The following LIM2 variants were observed in gnomAD, a reference collection of about 807,000 sequenced individuals.
LIM2 encodes lens intrinsic membrane protein 2.
Under a neutral mutation model 19.0 loss-of-function variants are expected in LIM2, and 14 were observed. That is an observed-to-expected ratio of 0.74 (90% CI 0.49 to 1.15). The LOEUF (loss-of-function observed/expected upper bound fraction) is 1.15. Ranked by LOEUF, LIM2 falls within the 50% of genes most tolerant of loss-of-function variation. The probability of loss-of-function intolerance (pLI) is 0.00; values close to 1 mark genes in which losing one functional copy is unlikely to be tolerated. For missense variants in LIM2, 230 were observed against 243.5 expected (o/e 0.94, Z 0.37); for synonymous variants, 78 against 89.6 (o/e 0.87, Z 0.73).
Position 51,382,569 on chromosome 19 carries a change from T to C in LIM2, c.176-2A>G, listed in dbSNP as rs1424981369. ...AGGCCCGGGTGGCATTCCAGTATGC[T>C]GTGGGAGCACCCCATGGTCATTCCC... On this transcript the variant is annotated splice_acceptor_variant, in intron 2 of 4. Transcript: ENST00000596399. LOFTEE classifies it high-confidence loss of function. 6.2e-7 allele frequency: 1 copy of C among 1,613,280 alleles called. No homozygotes were observed. Among genetic ancestry groups the C allele is most frequent in the Non-Finnish European group, 8.5e-7 (1 of 1,179,854 alleles).
chr19:51,387,226 C>T (rs372921387), intron 2 of LIM2, 43 bp downstream of exon 2: 13 of 1,614,242 alleles, frequency 8.1e-6, no homozygotes, highest in Non-Finnish European at 1.1e-5. Flanking sequence ...GTCCGCCCTG[C>T]TCTTTCCCCA....
chr19:51,383,636 A>C (rs892617603), intron 2 of LIM2, among the ~76,000 whole-genome samples: 1 of 152,194 alleles, frequency 6.6e-6, no homozygotes, highest in African/African-American at 2.4e-5. Context: ...ACGGCTAACT[A>C]TATGCCAGGC....
chr19:51,387,437 T>A lies in LIM2; in HGVS notation c.7A>T (p.Ser3Cys). 1 of 1,613,668 alleles carries A rather than the reference T, an allele frequency of 6.2e-7. No individual in the cohort carries two copies. The highest frequency in any genetic ancestry group is 8.5e-7 in the Non-Finnish European group (1 of 1,179,944). MYSFMGGGLFCAW... is the reference protein window; with the variant it reads MYCFMGGGLFCAW... ...CAGAACAGGCCACCACCCATGAAGC[T>A]GTACATGGTGATCTGTGGGGAAGGG... Residue 3 changes from serine to cysteine, a missense_variant, in exon 2 of 5, where the codon AGC becomes TGC. Ser to Cys is a moderately radical substitution (Grantham distance 112, BLOSUM62 -1). Coordinates refer to ENST00000596399, the MANE Select transcript of LIM2 (RefSeq NM_001161748.2).
chr19:51,386,367 G>A (rs1023078972), intron 2 of LIM2, among the ~76,000 whole-genome samples: 8 of 150,570 alleles, frequency 5.3e-5, no homozygotes, highest in South Asian at 2.1e-4. Context: ...CAGGTGATCC[G>A]CCCACCTCAG....
intron 4 of LIM2, 29 bp from the exon 5 acceptor site, chr19:51,380,291 C>T (rs2123662291): frequency 6.2e-7 from 1 of 1,610,794 alleles, no homozygotes; most frequent in Middle Eastern, 1.8e-4. Flanking sequence ...AAATTCACCC[C>T]CTCAAACCTC....
chr19:51,385,439 T>C (rs1987011461), intron 2 of LIM2, among the ~76,000 whole-genome samples: 1 of 152,082 alleles, frequency 6.6e-6, no homozygotes, highest in South Asian at 2.1e-4. Flanking sequence ...GGAGAATTGC[T>C]TGAACCCAGG....
rs761207649 is a variant in LIM2, at chr19:51,380,541, G to A, written c.424C>T (p.Leu142=). ...GTCATGAGCACTGCCACCCAGCCCA[G>A]GATGTAGGACCAGGAAAAGCGCCAG... ...GDWRFSWSYI[L]GWVAVLMTFF... Residue 142 remains leucine, a synonymous_variant, in exon 4 of 5, where the codon CTG becomes TTG. Transcript: ENST00000596399. The A allele has an allele frequency of 6.2e-7, 1 of 1,614,206 alleles. No homozygotes were observed. Among genetic ancestry groups the A allele is most frequent in the Non-Finnish European group, 8.5e-7 (1 of 1,180,048 alleles).
chr19:51,385,224 T>C (rs1262468065), intron 2 of LIM2, among the ~76,000 whole-genome samples: 1 of 151,520 alleles, frequency 6.6e-6, no homozygotes, highest in Non-Finnish European at 1.5e-5. Flanking sequence ...AAAAATCAAA[T>C]CAAATGAAAT....
At position 51,384,343 on chromosome 19, in the gene LIM2, A is replaced by T. The variant is rs62114203; in HGVS notation, c.176-1776T>A. 8.3e-3 allele frequency among the ~76,000 whole-genome samples: 1,268 copies of T among 152,348 alleles called. 5 individuals are homozygous for T. Among genetic ancestry groups the T allele is most frequent in the Non-Finnish European group, 0.014 (982 of 68,026 alleles). On this transcript the variant is annotated intron_variant, in intron 2 of 4. Transcript: ENST00000596399. ...CTACTCAGGAGGCTGAGGCAGGAGA[A>T]TCACTTGAACCCGGGAGGTGGAGGT...
chr19:51,382,322 A>G, intron 3 of LIM2, 96 bp downstream of exon 3: 1 of 1,398,574 alleles, frequency 7.2e-7, no homozygotes, highest in East Asian at 2.3e-5. Context: ...GAGTGTGAGG[A>G]GGAGTAAGGG....
intron 2 of LIM2, 88 bp from the exon 3 acceptor site, chr19:51,382,655 T>C (rs1986927796): frequency 6.4e-7 from 1 of 1,562,948 alleles, no homozygotes; most frequent in African/African-American, 1.4e-5. Flanking sequence ...GCCTTGCCCC[T>C]TTCCATATCC....
chr19:51,380,446 C>T (rs186520855), intron 4 of LIM2, 59 bp downstream of exon 4: 2 of 1,611,916 alleles, frequency 1.2e-6, no homozygotes, highest in African/African-American at 1.3e-5. Context: ...TCATCTTCCA[C>T]TCTATCTGCT....
intron 3 of LIM2, 60 bp from the exon 4 acceptor site, chr19:51,380,699 G>T: frequency 1.2e-6 from 2 of 1,604,726 alleles, no homozygotes; most frequent in Non-Finnish European, 8.5e-7. Flanking sequence ...TTTTGGAGGT[G>T]GGCAGAGAGC....
intron 3 of LIM2, among the ~76,000 whole-genome samples, chr19:51,381,185 G>GCC (rs1986884281): frequency 1.3e-5 from 2 of 152,052 alleles, no homozygotes; most frequent in African/African-American, 4.8e-5. Context: ...GGGTGTGGTG[G>GCC]TGGGTGCCTG....
At chr19:51,386,106 A>G (rs1360647922) in intron 2 of LIM2, among the ~76,000 whole-genome samples, 1 of 151,606 alleles carries the variant, frequency 6.6e-6, no homozygotes, top group Non-Finnish European at 1.5e-5. Flanking sequence ...AATACACAAT[A>G]TATTATATAT....
chr19:51,386,399 C>T (rs922931827), intron 2 of LIM2, among the ~76,000 whole-genome samples: 2 of 150,412 alleles, frequency 1.3e-5, no homozygotes, highest in South Asian at 2.1e-4. Flanking sequence ...GCTGGGATTA[C>T]AGACGTGAGC....
intron 1 of LIM2, among the ~76,000 whole-genome samples, 176 bp downstream of exon 1, chr19:51,387,743 G>C (rs527879557): frequency 6.6e-5 from 10 of 152,180 alleles, no homozygotes; most frequent in Non-Finnish European, 1.2e-4. Flanking sequence ...TGGAGGCCTA[G>C]CTTCCTGAGT....
At position 51,385,882 on chromosome 19, in the gene LIM2, C is replaced by A. The variant is rs562689840; in HGVS notation, c.175+1387G>T. Among the ~76,000 whole-genome samples the A allele has an allele frequency of 1.5e-3, 226 of 152,276 alleles. 1 individual carries two copies. Among genetic ancestry groups the A allele is most frequent in the African/African-American group, 5.2e-3 (218 of 41,556 alleles). ...AGTCTCCCATGCCTGTCACGTCCGG[C>A]ACTCAGTGACGCTTAGCTCTTCTTC... On this transcript the variant is annotated intron_variant, in intron 2 of 4. Transcript: ENST00000596399.
At chr19:51,386,566 G>A (rs961731696) in intron 2 of LIM2, among the ~76,000 whole-genome samples, 2 of 147,370 alleles carry the variant, frequency 1.4e-5, no homozygotes, top group African/African-American at 5.0e-5. Flanking sequence ...GATAATGAAT[G>A]TGTAATATAA....
Sources: gnomAD v4.1 joint callset for allele counts (sites outside exome capture counted in the v4.1 genomes callset) on GRCh38, gnomAD v4.1.1 for gene constraint, MANE v1.5 for transcripts, NCBI Gene and HGNC (gene_info 2026-07-23, HGNC 2026-07-21) for gene names.